Variants in PPFIA2 observed in about 807,000 individuals in gnomAD.
The protein encoded by PPFIA2 is liprin-alpha-2.
A neutral mutation model predicts 175.5 loss-of-function variants in PPFIA2; 46 were observed. The observed-to-expected ratio is 0.26, with a 90% CI of 0.21 to 0.34. PPFIA2 has a LOEUF of 0.34. PPFIA2 is among the 10% of genes least tolerant of loss of function. The probability of loss-of-function intolerance (pLI) is 1.00; values close to 1 mark genes in which losing one functional copy is unlikely to be tolerated. For missense variants in PPFIA2, 1,179 were observed against 1,506.1 expected, an observed-to-expected ratio of 0.78 and a Z score of 3.60; for synonymous variants, 568 against 511.4, an observed-to-expected ratio of 1.11 and a Z score of -1.49.
intron 11 of PPFIA2, among the ~76,000 whole-genome samples, chr12:81,372,513 G>GAAAAAAAAAAAA (rs3075257): frequency 1.1e-5 from 1 of 93,630 alleles, no homozygotes; most frequent in Non-Finnish European, 2.6e-5. Context: ...AATTGAAACA[G>GAAAAAAAAAAAA]AAAAAAAAAA....
intron 4 of PPFIA2, among the ~76,000 whole-genome samples, chr12:81,480,687 G>C (rs1351734583): frequency 1.3e-5 from 2 of 152,102 alleles, no homozygotes; most frequent in Non-Finnish European, 2.9e-5. Context: ...AGGTCTGCTT[G>C]AGTTTGCTAG....
intron 9 of PPFIA2, among the ~76,000 whole-genome samples, chr12:81,380,683 T>C (rs1192601092): frequency 1.3e-5 from 2 of 152,286 alleles, no homozygotes; most frequent in East Asian, 1.9e-4. Flanking sequence ...TTTGAAGCCA[T>C]GCTGATCTTA....
At chr12:81,321,972 T>A (rs887659795) in intron 22 of PPFIA2, among the ~76,000 whole-genome samples, 17 of 152,162 alleles carry the variant, frequency 1.1e-4, no homozygotes, top group African/African-American at 4.1e-4. Context: ...GTAGCTAGGC[T>A]ACATGCACAT....
chr12:81,676,709 A>G, intron 4 of PPFIA2, 82 bp downstream of exon 4: 2 of 947,390 alleles, frequency 2.1e-6, no homozygotes, highest in Non-Finnish European at 3.0e-6. Context: ...ATGACAAATA[A>G]TATACAAGCA....
At chr12:81,448,041 A>G (rs1398811318) in intron 5 of PPFIA2, among the ~76,000 whole-genome samples, 2 of 152,164 alleles carry the variant, frequency 1.3e-5, no homozygotes, top group African/African-American at 2.4e-5. Flanking sequence ...CATCTTGCAT[A>G]ATATAGTCGT....
chr12:81,319,268 A>G (rs1444090989), intron 22 of PPFIA2, among the ~76,000 whole-genome samples: 2 of 151,784 alleles, frequency 1.3e-5, no homozygotes, highest in Admixed American at 6.6e-5. Context: ...CTAAAAGAGA[A>G]CACTTTGGTT....
chr12:81,274,776 G>T (rs981892607), intron 28 of PPFIA2, among the ~76,000 whole-genome samples: 1 of 152,146 alleles, frequency 6.6e-6, no homozygotes, highest in Non-Finnish European at 1.5e-5. Context: ...TCACTGTTGA[G>T]AATTATTCCT....
At chr12:81,616,425 G>A (rs958832261) in intron 4 of PPFIA2, among the ~76,000 whole-genome samples, 4 of 152,074 alleles carry the variant, frequency 2.6e-5, no homozygotes, top group African/African-American at 4.8e-5. Context: ...TAATTAAAAT[G>A]ACTAGGTAAG....
At chr12:81,369,290 C>T in intron 11 of PPFIA2, 96 bp from the exon 12 acceptor site, 1 of 1,536,436 alleles carries the variant, frequency 6.5e-7, no homozygotes, top group Non-Finnish European at 8.8e-7. Flanking sequence ...AAGCTACTAC[C>T]AACTGCAAAC....
chr12:81,643,721 C>A (rs1234961103), intron 4 of PPFIA2, among the ~76,000 whole-genome samples: 1 of 151,842 alleles, frequency 6.6e-6, no homozygotes, highest in African/African-American at 2.4e-5. Flanking sequence ...TCAACAAAAT[C>A]CCATGTTTAA....
chr12:81,291,520 A>G (rs773472498), intron 24 of PPFIA2, among the ~76,000 whole-genome samples: 1 of 152,028 alleles, frequency 6.6e-6, no homozygotes, highest in Non-Finnish European at 1.5e-5. Flanking sequence ...ATGTGGGTAG[A>G]GTGATCTATA....
At chr12:81,625,039 T>C (rs2153486859) in intron 4 of PPFIA2, among the ~76,000 whole-genome samples, 1 of 152,008 alleles carries the variant, frequency 6.6e-6, no homozygotes, top group Non-Finnish European at 1.5e-5. Context: ...ATGGGAAATG[T>C]CACTACGATC....
intron 3 of PPFIA2, among the ~76,000 whole-genome samples, chr12:81,714,583 C>A (rs552600381): frequency 4.0e-5 from 6 of 150,994 alleles, no homozygotes; most frequent in African/African-American, 1.4e-4. Context: ...GATAAGCACA[C>A]CCTCAGAGTG....
At chr12:81,448,215 G>C (rs1236527592) in intron 5 of PPFIA2, among the ~76,000 whole-genome samples, 1 of 152,076 alleles carries the variant, frequency 6.6e-6, no homozygotes, top group Non-Finnish European at 1.5e-5. Flanking sequence ...TTTGGCAAGT[G>C]GAACTTTTTA....
chr12:81,389,053 C>T (rs1159849032), intron 8 of PPFIA2, among the ~76,000 whole-genome samples: 1 of 151,022 alleles, frequency 6.6e-6, no homozygotes, highest in Admixed American at 6.6e-5. Context: ...AGAAGTGGAG[C>T]CGCTGAACAT....
chr12:81,473,899 G>A (rs1171083046), intron 4 of PPFIA2, among the ~76,000 whole-genome samples: 2 of 152,096 alleles, frequency 1.3e-5, no homozygotes, highest in Admixed American at 6.5e-5. Context: ...CAGGGCCATA[G>A]CATTCCTTAC....
intron 4 of PPFIA2, among the ~76,000 whole-genome samples, chr12:81,633,229 T>C (rs2063595281): frequency 6.6e-6 from 1 of 152,062 alleles, no homozygotes; most frequent in African/African-American, 2.4e-5. Context: ...TACAATCTCA[T>C]ACACTTTGAA....
chr12:81,622,193 C>T (rs73147409), intron 4 of PPFIA2, among the ~76,000 whole-genome samples: 9,715 of 152,210 alleles, frequency 0.064, 431 homozygotes, highest in East Asian at 0.25. Flanking sequence ...TTTCCCAGGC[C>T]AACCCAATTG....
intron 4 of PPFIA2, among the ~76,000 whole-genome samples, chr12:81,576,301 G>T (rs922875712): frequency 1.3e-5 from 2 of 151,764 alleles, no homozygotes; most frequent in Non-Finnish European, 2.9e-5. Flanking sequence ...CAGATGGAGT[G>T]AGGAAGGGAA....
Sources: gnomAD v4.1 joint callset for allele counts (sites outside exome capture counted in the v4.1 genomes callset) on GRCh38, gnomAD v4.1.1 for gene constraint, MANE v1.5 for transcripts, NCBI Gene and HGNC (gene_info 2026-07-23, HGNC 2026-07-21) for gene names.